The following DTD1 variants were observed in gnomAD, a reference collection of about 807,000 sequenced individuals.
DTD1 encodes the protein D-tyrosyl-tRNA deacylase 1 homolog.
In DTD1, 13 loss-of-function variants were observed where a neutral mutation model predicts 25.6. That is an observed-to-expected ratio of 0.51 (90% CI 0.33 to 0.81). DTD1 has a LOEUF of 0.81. Among genes scored for constraint, DTD1 ranks in the 30% least tolerant of loss-of-function variants. DTD1 has a pLI of 0.02. For missense variants in DTD1, 193 were observed against 266.4 expected (o/e 0.72, Z 1.92); for synonymous variants, 110 against 103.6 (o/e 1.06, Z -0.37).
At chr20:18,607,919 G>T (rs527326247) in intron 3 of DTD1, among the ~76,000 whole-genome samples, 14 of 152,140 alleles carry the variant, frequency 9.2e-5, no homozygotes, top group Non-Finnish European at 1.8e-4. Context: ...TCACCATGTT[G>T]GCTGGGCTGG....
intron 5 of DTD1, among the ~76,000 whole-genome samples, chr20:18,750,193 T>C (rs1015831952): frequency 1.3e-5 from 2 of 152,206 alleles, no homozygotes; most frequent in African/African-American, 4.8e-5. Flanking sequence ...GGCATTCCAA[T>C]GATATATTTG....
chr20:18,631,781 A>G, intron 4 of DTD1: 1 of 984,980 alleles, frequency 1.0e-6, no homozygotes. Flanking sequence ...GTTTTTAGTT[A>G]TTATTCTGCT....
At chr20:18,638,050 G>A (rs1367723574) in intron 4 of DTD1, among the ~76,000 whole-genome samples, 4 of 152,174 alleles carry the variant, frequency 2.6e-5, no homozygotes, top group Non-Finnish European at 5.9e-5. Context: ...TCCCCATCAC[G>A]TGGTGTGGCA....
intron 3 of DTD1, among the ~76,000 whole-genome samples, chr20:18,616,735 A>G (rs1387748476): frequency 3.3e-5 from 5 of 152,246 alleles, no homozygotes; most frequent in African/African-American, 9.6e-5. Context: ...TGGGCCCAGG[A>G]GTTCAAGGCA....
intron 4 of DTD1, among the ~76,000 whole-genome samples, chr20:18,702,090 T>C (rs1455262750): frequency 1.3e-5 from 2 of 152,234 alleles, no homozygotes; most frequent in African/African-American, 4.8e-5. Flanking sequence ...TCTTATTCAC[T>C]TCCATTTTAG....
chr20:18,750,924 C>A (rs76273097), intron 5 of DTD1, among the ~76,000 whole-genome samples: 2,161 of 152,294 alleles, frequency 0.014, 29 homozygotes, highest in South Asian at 0.036. Context: ...ACATTTCTGT[C>A]CTCAAATGGC....
intron 4 of DTD1, among the ~76,000 whole-genome samples, chr20:18,682,009 G>A (rs2060999136): frequency 6.6e-6 from 1 of 152,226 alleles, no homozygotes; most frequent in African/African-American, 2.4e-5. Context: ...ATGGGAGGGA[G>A]GAACTGGGAG....
intron 3 of DTD1, among the ~76,000 whole-genome samples, chr20:18,622,645 A>C (rs2060739464): frequency 6.6e-6 from 1 of 152,218 alleles, no homozygotes; most frequent in Non-Finnish European, 1.5e-5. Context: ...ATCTGTATTC[A>C]AAGGAGAAAT....
At chr20:18,663,635 G>A (rs958273557) in intron 4 of DTD1, among the ~76,000 whole-genome samples, 1 of 152,178 alleles carries the variant, frequency 6.6e-6, no homozygotes, top group Non-Finnish European at 1.5e-5. Context: ...ATTCAGTAGA[G>A]TAACATGCTG....
Position 18,746,047 on chromosome 20 carries a change from A to C in DTD1, c.*19+1776A>C, listed in dbSNP as rs574033197. 9.2e-5 allele frequency among the ~76,000 whole-genome samples: 14 copies of C among 152,286 alleles called. No individual in the cohort carries two copies. The East Asian group carries it at 2.3e-3, about 25-fold the overall frequency. On this transcript the variant is annotated intron_variant, in intron 5 of 5. Coordinates refer to ENST00000377452, the MANE Select transcript of DTD1 (RefSeq NM_080820.6). ...AATCATTTCAACGTGGTGACTGATTAGATTGGAAGAGGAGACATCCAGAAG... is the reference window on the plus strand; with the variant it reads ...AATCATTTCAACGTGGTGACTGATTCGATTGGAAGAGGAGACATCCAGAAG...
intron 4 of DTD1, among the ~76,000 whole-genome samples, chr20:18,719,247 G>A (rs936264665): frequency 6.3e-5 from 9 of 143,286 alleles, no homozygotes; most frequent in African/African-American, 2.2e-4. Flanking sequence ...ATATATATAT[G>A]TGTGTGTGTG....
At chr20:18,708,252 T>TATTAAA in intron 4 of DTD1, among the ~76,000 whole-genome samples, 1 of 31,776 alleles carries the variant, frequency 3.1e-5, no homozygotes, top group East Asian at 1.4e-3. Context: ...ATAATATATA[T>TATTAAA]TATATATATA....
rs533114157 is a variant in DTD1 at position 18,737,933 on chromosome 20, C to T, written c.478-6167C>T. 4.6e-5 allele frequency among the ~76,000 whole-genome samples: 7 copies of T among 152,310 alleles called. No individual in the cohort carries two copies. In the South Asian group the frequency reaches 6.2e-4, roughly 14 times the overall value. On this transcript the variant is annotated intron_variant, in intron 4 of 5. Coordinates refer to ENST00000377452, the MANE Select transcript of DTD1 (RefSeq NM_080820.6). ...CTTTCTACCCATGAAGACAAGTGTGCGGCTACAGAGGGCAACAGCAGAATG... is the reference window on the plus strand; with the variant it reads ...CTTTCTACCCATGAAGACAAGTGTGTGGCTACAGAGGGCAACAGCAGAATG...
chr20:18,650,210 C>G (rs2060868883), intron 4 of DTD1, among the ~76,000 whole-genome samples: 1 of 152,264 alleles, frequency 6.6e-6, no homozygotes, highest in East Asian at 1.9e-4. Context: ...GTCTGGGTGA[C>G]AGAGCAAGAC....
At chr20:18,674,308 A>G (rs1185152133) in intron 4 of DTD1, 1 of 152,202 alleles carries the variant, frequency 6.6e-6, no homozygotes, top group African/African-American at 2.4e-5. Context: ...GGGGAATGGA[A>G]AAAATGCTGT....
At chr20:18,669,859 A>G (rs1477057677) in intron 4 of DTD1, among the ~76,000 whole-genome samples, 2 of 152,016 alleles carry the variant, frequency 1.3e-5, no homozygotes, top group Non-Finnish European at 2.9e-5. Flanking sequence ...TTCTCTCCAC[A>G]AGTCTTTGCT....
intron 5 of DTD1, among the ~76,000 whole-genome samples, chr20:18,751,063 C>CAGTGTGTGTG (rs2061319243): frequency 1.2e-5 from 1 of 83,962 alleles, no homozygotes; most frequent in East Asian, 3.2e-4. Flanking sequence ...GCTACAGCAG[C>CAGTGTGTGTG]CGTGTGTGTG....
At chr20:18,646,914 A>ATGGAT (rs1442741896) in intron 4 of DTD1, among the ~76,000 whole-genome samples, 2 of 152,194 alleles carry the variant, frequency 1.3e-5, no homozygotes, top group Non-Finnish European at 1.5e-5. Context: ...AATGAGCCAT[A>ATGGAT]TGGACCCCAT....
intron 3 of DTD1, among the ~76,000 whole-genome samples, chr20:18,612,128 G>A (rs866478830): frequency 4.5e-4 from 64 of 142,108 alleles, no homozygotes; most frequent in African/African-American, 1.5e-3. Flanking sequence ...TCCGCCTCCC[G>A]GGTTCACGCC....
Sources: allele counts gnomAD v4.1 joint callset (sites outside exome capture counted in the v4.1 genomes callset), GRCh38; gene constraint gnomAD v4.1.1; transcripts MANE v1.5; gene names NCBI Gene and HGNC (gene_info 2026-07-23, HGNC 2026-07-21).